The following SLF1 variants were observed in gnomAD, a reference collection of about 807,000 sequenced individuals.
SLF1 encodes the protein SMC5/6 complex localization factor 1, also known as SMC5-SMC6 complex localization factor protein 1.
Under a neutral mutation model 123.0 loss-of-function variants are expected in SLF1, and 105 were observed. That is an observed-to-expected ratio of 0.85 (90% confidence interval 0.73 to 1.00). SLF1 has a LOEUF of 1.00. SLF1 is among the 50% of genes least tolerant of loss of function. The pLI is 0.00. For missense variants in SLF1, 1,239 were observed against 1,223.0 expected (o/e 1.01, Z -0.20); for synonymous variants, 434 against 406.6 (o/e 1.07, Z -0.81).
At chr5:94,692,797 T>TA (rs1244492390) in intron 20 of SLF1, among the ~76,000 whole-genome samples, 1 of 152,206 alleles carries the variant, frequency 6.6e-6, no homozygotes, top group Admixed American at 6.6e-5. Flanking sequence ...TGATAACTGT[T>TA]ATGCAGGGGT....
At position 94,654,646 on chromosome 5, in the gene SLF1, C is replaced by T; in HGVS notation, c.1049C>T (p.Ser350Phe). The change falls in exon 9 of 21, where the codon TCT becomes TTT. Residue 350 changes from serine (S) to phenylalanine (F), a missense_variant. Physicochemically the swap from Ser to Phe is radical, Grantham distance 155. Coordinates refer to ENST00000265140, the MANE Select transcript of SLF1 (RefSeq NM_032290.4). ...TATATGCAGAAAGAAATGAAGAATT[C>T]TATTTTTGCTGAATATGCCAAAGAA... Reference protein sequence around the residue: ...YNRDQKEMKNSIFAEYAKESK... With the variant: ...YNRDQKEMKNFIFAEYAKESK... The T allele has an allele frequency of 6.5e-7, 1 of 1,537,450 alleles. No individual in the cohort carries two copies. Among genetic ancestry groups the T allele is most frequent in the Non-Finnish European group, 8.8e-7 (1 of 1,140,436 alleles).
At chr5:94,630,800 C>A in intron 4 of SLF1, 57 bp downstream of exon 4, 1 of 1,503,324 alleles carries the variant, frequency 6.7e-7, no homozygotes, top group Non-Finnish European at 8.9e-7. Context: ...TTTTGATTTG[C>A]ATGAGTACTT....
intron 14 of SLF1, among the ~76,000 whole-genome samples, chr5:94,671,353 C>T (rs961194332): frequency 4.0e-5 from 6 of 151,534 alleles, no homozygotes; most frequent in African/African-American, 1.5e-4. Context: ...TTGAGGGGTA[C>T]TACTAATAAA....
Position 94,695,103 on chromosome 5 carries a change from C to T in SLF1, c.2968C>T (p.Leu990Phe), listed in dbSNP as rs769320261. 6.2e-7 allele frequency: 1 copy of T among 1,612,468 alleles called. No individual in the cohort carries two copies. Among genetic ancestry groups the T allele is most frequent in the Non-Finnish European group, 8.5e-7 (1 of 1,179,098 alleles). Residue 990 changes from leucine (L) to phenylalanine (F), a missense_variant, in exon 21 of 21, where the codon CTT becomes TTT. By Grantham distance (22) the Leu-to-Phe change is conservative (BLOSUM62 0). Coordinates refer to ENST00000265140, the MANE Select transcript of SLF1 (RefSeq NM_032290.4). ...AGGGTTAACTCATCTAAATGAACTGCTTATGGCTTGTAAAAGTCATAAAGA... is the reference window on the plus strand; with the variant it reads ...AGGGTTAACTCATCTAAATGAACTGTTTATGGCTTGTAAAAGTCATAAAGA... ...SKGLTHLNEL[L>F]MACKSHKETT... is the part of the protein sequence containing the mutation.
chr5:94,640,918 T>A lies in SLF1; in HGVS notation c.432-2355T>A, dbSNP rs538957819. Among the ~76,000 whole-genome samples the A allele has an allele frequency of 9.8e-5, 15 of 152,366 alleles. 1 individual carries two copies. The South Asian group carries it at 2.9e-3, about 29-fold the overall frequency. ...ATGTTAAAGTTGTTTTCTGATAATTTCAACATGTGGGTCATATTTCAGTGT... is the reference window on the plus strand; with the variant it reads ...ATGTTAAAGTTGTTTTCTGATAATTACAACATGTGGGTCATATTTCAGTGT... On this transcript the variant is annotated intron_variant, in intron 4 of 20. Coordinates refer to ENST00000265140, the MANE Select transcript of SLF1 (RefSeq NM_032290.4).
intron 14 of SLF1, 154 bp from the exon 15 acceptor site, chr5:94,678,654 A>T: frequency 1.7e-6 from 1 of 596,936 alleles, no homozygotes; most frequent in Non-Finnish European, 2.7e-6. Context: ...GGAGAGAATT[A>T]GTTAGCTAGG....
At position 94,624,433 on chromosome 5, in the gene SLF1, A is replaced by G. The variant is rs145762030; in HGVS notation, c.1-4378A>G. On this transcript the variant is annotated intron_variant, in intron 1 of 20. Transcript: ENST00000265140. ...TCATATTTATTTTATTATAAAGACC[A>G]TATGGTTTAAGATGAAAACTGCTTT... Among the ~76,000 whole-genome samples the G allele has an allele frequency of 4.1e-3, 620 of 152,320 alleles. 3 individuals are homozygous for G. The highest frequency in any genetic ancestry group is 7.3e-3 in the Non-Finnish European group (499 of 68,014).
At chr5:94,648,359 G>A (rs1199769490) in intron 5 of SLF1, among the ~76,000 whole-genome samples, 1 of 152,206 alleles carries the variant, frequency 6.6e-6, no homozygotes, top group Non-Finnish European at 1.5e-5. Flanking sequence ...AGGAAGCCAA[G>A]TGCGAGTGAG....
intron 12 of SLF1, among the ~76,000 whole-genome samples, chr5:94,669,037 G>C (rs777017222): frequency 6.6e-6 from 1 of 152,104 alleles, no homozygotes; most frequent in Non-Finnish European, 1.5e-5. Context: ...TAGATTTTGG[G>C]CAGCTTAAAA....
chr5:94,646,464 A>G (rs913694521), intron 5 of SLF1, among the ~76,000 whole-genome samples: 9 of 152,184 alleles, frequency 5.9e-5, no homozygotes, highest in South Asian at 2.1e-4. Flanking sequence ...GTATTTAGCA[A>G]TGGAGAAAAA....
chr5:94,662,797 A>C (rs1749286972), intron 10 of SLF1, among the ~76,000 whole-genome samples: 1 of 152,236 alleles, frequency 6.6e-6, no homozygotes, highest in Non-Finnish European at 1.5e-5. Context: ...TTAGGGAGGG[A>C]ATCGGGCTTG....
rs534843033 is a variant in SLF1 at position 94,665,906 on chromosome 5, G to A, written c.1414G>A (p.Ala472Thr). 1.2e-5 allele frequency: 19 copies of A among 1,549,852 alleles called. No homozygotes were observed. Among genetic ancestry groups the A allele is most frequent in the Admixed American group, 5.9e-5 (3 of 50,984 alleles). The change falls in exon 12 of 21, where the codon GCT becomes ACT. Residue 472 changes from alanine (A) to threonine (T), a missense_variant. Ala to Thr is a moderately conservative substitution (Grantham distance 58, BLOSUM62 0). Coordinates refer to ENST00000265140, the MANE Select transcript of SLF1 (RefSeq NM_032290.4). ...FSGRYFHILSALLHLHPPWKS... is the reference protein window; with the variant it reads ...FSGRYFHILSTLLHLHPPWKS... ...TGGTCGATACTTTCATATATTGTCA[G>A]CTCTTCTTCACCTGCATCCTCCTTG...
chr5:94,697,382 C>G lies in SLF1; in HGVS notation c.*2070C>G, dbSNP rs184166470. 1.3e-5 allele frequency: 2 copies of G among 151,746 alleles called. No homozygotes were observed. Among genetic ancestry groups the G allele is most frequent in the Admixed American group, 1.3e-4 (2 of 15,184 alleles). 9.4% of individuals were successfully genotyped at this position (151,746 alleles called of 1,614,324 possible). On this transcript the variant is annotated 3_prime_UTR_variant, in exon 21 of 21. Transcript: ENST00000265140. ...GCCTTGAATAATTGCCCAAATCTAT[C>G]TTGGAGGTATAGGAAGAAGAAATTC...
intron 14 of SLF1, among the ~76,000 whole-genome samples, chr5:94,674,714 C>G (rs1561464450): frequency 6.6e-6 from 1 of 152,142 alleles, no homozygotes; most frequent in African/African-American, 2.4e-5. Context: ...GCAAGTATTG[C>G]AGAGTGACAC....
At chr5:94,651,899 G>C (rs1237587717) in intron 7 of SLF1, 54 bp downstream of exon 7, 1 of 924,126 alleles carries the variant, frequency 1.1e-6, no homozygotes, top group Non-Finnish European at 1.4e-6. Context: ...AGTGTTTATA[G>C]AACAGTTTTC....
chr5:94,633,718 G>A (rs1745457883), intron 4 of SLF1, among the ~76,000 whole-genome samples: 1 of 152,296 alleles, frequency 6.6e-6, no homozygotes, highest in African/African-American at 2.4e-5. Flanking sequence ...AAAGACAACA[G>A]ATCACTGTAT....
chr5:94,675,722 T>A (rs1379092913), intron 14 of SLF1, among the ~76,000 whole-genome samples: 2 of 152,184 alleles, frequency 1.3e-5, no homozygotes, highest in African/African-American at 4.8e-5. Flanking sequence ...TTTGGCAGGA[T>A]CTTTTTTATC....
chr5:94,683,533 T>C (rs774534141), intron 15 of SLF1, among the ~76,000 whole-genome samples: 3 of 152,228 alleles, frequency 2.0e-5, no homozygotes, highest in Non-Finnish European at 4.4e-5. Flanking sequence ...GAACTTACTT[T>C]TATACTGTAT....
At chr5:94,665,601 T>C (rs903352253) in intron 11 of SLF1, among the ~76,000 whole-genome samples, 2 of 152,046 alleles carry the variant, frequency 1.3e-5, no homozygotes, top group Non-Finnish European at 2.9e-5. Context: ...ATACAAAAAT[T>C]AGCCAGGCAT....
Sources: gnomAD v4.1 joint callset for allele counts (sites outside exome capture counted in the v4.1 genomes callset) on GRCh38, gnomAD v4.1.1 for gene constraint, MANE v1.5 for transcripts, NCBI Gene and HGNC (gene_info 2026-07-23, HGNC 2026-07-21) for gene names.